HCLS1: variants seen among roughly 807,000 people sequenced by gnomAD.
HCLS1 encodes hematopoietic lineage cell-specific protein.
A neutral mutation model predicts 68.6 loss-of-function variants in HCLS1; 44 were observed. The observed-to-expected ratio is 0.64, with a 90% confidence interval of 0.50 to 0.82. HCLS1 has a LOEUF of 0.82. Among genes scored for constraint, HCLS1 ranks in the 40% least tolerant of loss-of-function variants. The pLI, the probability that HCLS1 is intolerant of heterozygous loss-of-function variation, is 0.00. For missense variants in HCLS1, 602 were observed against 612.1 expected (o/e 0.98, Z 0.17); for synonymous variants, 217 against 225.8 (o/e 0.96, Z 0.35).
intron 3 of HCLS1, among the ~76,000 whole-genome samples, chr3:121,649,592 T>G (rs1021625490): frequency 6.6e-6 from 1 of 152,182 alleles, no homozygotes; most frequent in Non-Finnish European, 1.5e-5. Context: ...AAACAACTTT[T>G]AAGTGTGAGG....
intron 8 of HCLS1, among the ~76,000 whole-genome samples, 191 bp from the exon 9 acceptor site, chr3:121,635,995 A>G (rs1048123792): frequency 3.9e-5 from 6 of 152,184 alleles, no homozygotes; most frequent in Non-Finnish European, 7.3e-5. Context: ...TGCTGAGTTC[A>G]GCTCCCCCTT....
At chr3:121,641,405 T>C (rs1386310075) in intron 6 of HCLS1, among the ~76,000 whole-genome samples, 1 of 152,216 alleles carries the variant, frequency 6.6e-6, no homozygotes, top group Non-Finnish European at 1.5e-5. Context: ...ATGGAATATT[T>C]TAGCAAGAAG....
At chr3:121,641,433 G>A (rs375905525) in intron 6 of HCLS1, among the ~76,000 whole-genome samples, 1 of 152,258 alleles carries the variant, frequency 6.6e-6, no homozygotes, top group East Asian at 1.9e-4. Context: ...AAGACACAAA[G>A]GTGAAACAAT....
chr3:121,658,086 A>C, intron 2 of HCLS1, 178 bp downstream of exon 2: 1 of 581,716 alleles, frequency 1.7e-6, no homozygotes, highest in Non-Finnish European at 3.1e-6. Context: ...CCCTGATACC[A>C]GGTATCGTGC....
At chr3:121,641,016 A>G (rs1034332701) in intron 6 of HCLS1, among the ~76,000 whole-genome samples, 1 of 152,224 alleles carries the variant, frequency 6.6e-6, no homozygotes, top group African/African-American at 2.4e-5. Flanking sequence ...ATGCGGCACA[A>G]GGACATAAAG....
At chr3:121,646,483 ATATAT>A (rs1344377143) in intron 4 of HCLS1, among the ~76,000 whole-genome samples, 25 of 105,208 alleles carry the variant, frequency 2.4e-4, no homozygotes, top group South Asian at 2.9e-4. Flanking sequence ...TATAATATAG[ATATAT>A]TATATATTAT....
intron 6 of HCLS1, among the ~76,000 whole-genome samples, chr3:121,638,655 A>G (rs546900122): frequency 3.9e-5 from 6 of 152,342 alleles, no homozygotes; most frequent in African/African-American, 1.4e-4. Flanking sequence ...GTGATGCAGG[A>G]ATTCTAAGCT....
At chr3:121,655,883 C>G (rs1050839452) in intron 3 of HCLS1, among the ~76,000 whole-genome samples, 6 of 151,544 alleles carry the variant, frequency 4.0e-5, no homozygotes, top group Non-Finnish European at 7.4e-5. Context: ...GAGTCTCGCT[C>G]TATCACCCTG....
chr3:121,656,569 TTTTG>T (rs35077759), intron 3 of HCLS1, among the ~76,000 whole-genome samples: 4 of 151,552 alleles, frequency 2.6e-5, no homozygotes, highest in Non-Finnish European at 2.9e-5. Context: ...TATCGGAGGG[TTTTG>T]TTTGTTTGTT....
chr3:121,659,270 C>T (rs150591193), intron 1 of HCLS1, among the ~76,000 whole-genome samples: 13 of 152,238 alleles, frequency 8.5e-5, no homozygotes, highest in African/African-American at 2.9e-4. Context: ...GAAGGAAGAG[C>T]GGCACAGTTG....
intron 11 of HCLS1, 69 bp from the exon 12 acceptor site, chr3:121,632,632 AT>A (rs112649175): frequency 2.1e-6 from 3 of 1,424,848 alleles, no homozygotes; most frequent in Non-Finnish European, 2.9e-6. Flanking sequence ...GACTGATAAG[AT>A]CCCCCGCCCT....
Position 121,648,547 on chromosome 3 carries a change from G to A in HCLS1, c.159-1099C>T, listed in dbSNP as rs531433788. Among the ~76,000 whole-genome samples, 15 of 152,230 alleles carry A rather than the reference G, an allele frequency of 9.9e-5. No homozygotes were observed. The South Asian group carries it at 3.1e-3, about 32-fold the overall frequency. On this transcript the variant is annotated intron_variant, in intron 3 of 13. Coordinates refer to ENST00000314583, the MANE Select transcript of HCLS1 (RefSeq NM_005335.6). Reference sequence around the variant, plus strand: ...TTGACTTTCTGCAGCAAGCAATGAGGGTTTAGGGTATTAAGATAGTGATGT... The same window carrying A: ...TTGACTTTCTGCAGCAAGCAATGAGAGTTTAGGGTATTAAGATAGTGATGT...
intron 11 of HCLS1, 146 bp downstream of exon 11, chr3:121,632,921 G>C (rs2049114082): frequency 1.6e-6 from 1 of 618,354 alleles, no homozygotes; most frequent in South Asian, 2.0e-5. Flanking sequence ...GCCCAGGACA[G>C]AGGAGTTTCC....
intron 4 of HCLS1, among the ~76,000 whole-genome samples, chr3:121,645,806 A>C (rs1466188428): frequency 6.7e-6 from 1 of 149,230 alleles, no homozygotes; most frequent in East Asian, 1.9e-4. Context: ...TCTAGAACAA[A>C]AGTATCTGGG....
In HCLS1 at chr3:121,658,363, G is replaced by C. The variant is rs1457531832; in HGVS notation, c.1-16C>G. 6.3e-7 allele frequency: 1 copy of C among 1,598,012 alleles called. No individual in the cohort carries two copies. ...ACTTCCACATCTGAGAGTGACCGGA[G>C]ATGGGAATAATTAGGGACAAAAAAG... On this transcript the variant is annotated splice_polypyrimidine_tract_variant and intron_variant, in intron 1 of 13. Coordinates refer to ENST00000314583, the MANE Select transcript of HCLS1 (RefSeq NM_005335.6).
chr3:121,647,317 A>C lies in HCLS1; in HGVS notation c.288+2T>G, dbSNP rs769882900. 6.2e-7 allele frequency: 1 copy of C among 1,613,512 alleles called. No individual in the cohort carries two copies. Among genetic ancestry groups the C allele is most frequent in the Non-Finnish European group, 8.5e-7 (1 of 1,179,842 alleles). On this transcript the variant is annotated splice_donor_variant, in intron 4 of 13. Coordinates refer to ENST00000314583, the MANE Select transcript of HCLS1 (RefSeq NM_005335.6). LOFTEE classifies it high-confidence loss of function. ...AAAGCAAATCTTTCCCTTTCAACTT[A>C]CCTTGTCCATTCGGTCTCTTTCTAC...
intron 3 of HCLS1, among the ~76,000 whole-genome samples, chr3:121,648,600 G>A (rs113897197): frequency 0.011 from 1,634 of 152,272 alleles, 18 homozygotes; most frequent in South Asian, 0.028. Context: ...CTTTACCAGC[G>A]CAGGACAACC....
In HCLS1 at chr3:121,634,385, A is replaced by T. The variant is rs1343464438; in HGVS notation, c.725T>A (p.Phe242Tyr). 2.5e-6 allele frequency: 4 copies of T among 1,614,132 alleles called. No homozygotes were observed. In the East Asian group the frequency reaches 8.9e-5, roughly 36 times the overall value. Residue 242 changes from phenylalanine to tyrosine, a missense_variant, in exon 10 of 14, where the codon TTT becomes TAT. Phe to Tyr is a conservative substitution (Grantham distance 22). Coordinates refer to ENST00000314583, the MANE Select transcript of HCLS1 (RefSeq NM_005335.6). ...CCTCTTCTCCTCAGCCATGGACTCA[A>T]ATTTCGCCTTCAGCCCACGGGTACC... ...SSGTRGLKAK[F>Y]ESMAEEKRKR...
chr3:121,631,533 G>A lies in HCLS1; in HGVS notation c.*313C>T, dbSNP rs1378708267. The A allele has an allele frequency of 1.3e-5, 4 of 307,070 alleles. No homozygotes were observed. Among genetic ancestry groups the A allele is most frequent in the Non-Finnish European group, 2.4e-5 (4 of 164,194 alleles). 19.0% of individuals were successfully genotyped at this position (307,070 alleles called of 1,614,324 possible). ...CCACACAATCTAGACGTACTTTCCC[G>A]GGTAAACAAACTGGGAAGCCCAGAG... On this transcript the variant is annotated 3_prime_UTR_variant, in exon 14 of 14. Coordinates refer to ENST00000314583, the MANE Select transcript of HCLS1 (RefSeq NM_005335.6).
Sources: gnomAD v4.1 joint callset for allele counts (sites outside exome capture counted in the v4.1 genomes callset) on GRCh38, gnomAD v4.1.1 for gene constraint, MANE v1.5 for transcripts, NCBI Gene and HGNC (gene_info 2026-07-23, HGNC 2026-07-21) for gene names.